CAMK2D: variants seen among roughly 807,000 people sequenced by gnomAD.
CAMK2D encodes the protein calcium/calmodulin dependent protein kinase II delta.
CAMK2D carries 37 observed loss-of-function variants against 84.0 expected under a neutral mutation model. That is an observed-to-expected ratio of 0.44 (90% CI 0.34 to 0.58). The LOEUF (loss-of-function observed/expected upper bound fraction) is 0.58, where lower values mean the gene tolerates loss of function less well. Among genes scored for constraint, CAMK2D ranks in the 20% least tolerant of loss-of-function variants. CAMK2D has a pLI of 0.02. For synonymous variants in CAMK2D, 202 were observed against 212.5 expected, an observed-to-expected ratio of 0.95 and a Z score of 0.43; for missense variants, 448 against 652.5, an observed-to-expected ratio of 0.69 and a Z score of 3.41.
chr4:113,563,986 T>A (rs1245053037), intron 4 of CAMK2D, among the ~76,000 whole-genome samples: 1 of 152,192 alleles, frequency 6.6e-6, no homozygotes, highest in Non-Finnish European at 1.5e-5. Context: ...TAAAAAATCC[T>A]TAGAGAATCT....
chr4:113,644,996 TG>T (rs2099145798), intron 3 of CAMK2D, among the ~76,000 whole-genome samples: 1 of 152,056 alleles, frequency 6.6e-6, no homozygotes, highest in African/African-American at 2.4e-5. Flanking sequence ...GAGAATTTTT[TG>T]TTGTTGTTGT....
intron 16 of CAMK2D, among the ~76,000 whole-genome samples, chr4:113,490,750 G>A (rs1437844558): frequency 1.4e-5 from 2 of 146,718 alleles, no homozygotes; most frequent in East Asian, 1.9e-4. Flanking sequence ...TCATTTTCAC[G>A]ATATTGATTC....
Position 113,751,864 on chromosome 4 carries a change from T to C in CAMK2D, c.160+7456A>G, listed in dbSNP as rs1408621676. Among the ~76,000 whole-genome samples, 15 of 152,296 alleles carry C rather than the reference T, an allele frequency of 9.8e-5. No homozygotes were observed. The South Asian group carries it at 2.3e-3, about 23-fold the overall frequency. Reference sequence around the variant, plus strand: ...AAACAAATTCCAAATAAATTAAGCATTGCCTATATTTAAGAGGGTAAAATT... The same window carrying C: ...AAACAAATTCCAAATAAATTAAGCACTGCCTATATTTAAGAGGGTAAAATT... On this transcript the variant is annotated intron_variant, in intron 2 of 20. Coordinates refer to ENST00000511664, the MANE Select transcript of CAMK2D (RefSeq NM_001321571.2).
At chr4:113,746,706 T>C (rs1291323564) in intron 2 of CAMK2D, among the ~76,000 whole-genome samples, 2 of 152,084 alleles carry the variant, frequency 1.3e-5, no homozygotes, top group Non-Finnish European at 2.9e-5. Flanking sequence ...ATCCTATCTA[T>C]AGGAGGTAAA....
Position 113,759,412 on chromosome 4 carries a change from C to T in CAMK2D, c.68G>A (p.Gly23Glu). ...EYQLFEELGK[G>E]AFSVVRRCMK... ...ACATCTTCTCACCACTGAGAATGCC[C>T]CCCTGGAAACCAATAATTAGCAGGT... Residue 23 changes from glycine to glutamate, a missense_variant and splice_region_variant, in exon 2 of 21, where the codon GGG becomes GAG. Gly to Glu is a moderately conservative substitution (Grantham distance 98, BLOSUM62 -2). Transcript: ENST00000511664. 1 of 1,575,532 alleles carries T rather than the reference C, an allele frequency of 6.3e-7. No individual in the cohort carries two copies. The highest frequency in any genetic ancestry group is 8.7e-7 in the Non-Finnish European group (1 of 1,153,368).
chr4:113,637,556 C>T (rs181503500), intron 3 of CAMK2D, among the ~76,000 whole-genome samples: 1 of 152,252 alleles, frequency 6.6e-6, no homozygotes, highest in Admixed American at 6.5e-5. Flanking sequence ...AAATTCTCAT[C>T]GAGGAAGCTA....
At chr4:113,629,884 C>T (rs1446193243) in intron 3 of CAMK2D, among the ~76,000 whole-genome samples, 1 of 150,712 alleles carries the variant, frequency 6.6e-6, no homozygotes, top group African/African-American at 2.4e-5. Flanking sequence ...GACTTACATA[C>T]AGGAAATGAT....
intron 4 of CAMK2D, among the ~76,000 whole-genome samples, chr4:113,585,894 T>G (rs1055931565): frequency 6.6e-6 from 1 of 152,212 alleles, no homozygotes. Flanking sequence ...GAGCTTTAAT[T>G]GGCATGTATA....
At chr4:113,547,414 T>C (rs1260403222) in intron 6 of CAMK2D, among the ~76,000 whole-genome samples, 2 of 152,212 alleles carry the variant, frequency 1.3e-5, no homozygotes, top group Non-Finnish European at 2.9e-5. Context: ...TCCTATTTAT[T>C]GTTAATGTTG....
intron 3 of CAMK2D, among the ~76,000 whole-genome samples, chr4:113,646,058 T>C (rs1173315723): frequency 6.6e-6 from 1 of 152,210 alleles, no homozygotes; most frequent in Non-Finnish European, 1.5e-5. Flanking sequence ...AATTGTTTGC[T>C]CTCCTGTTTT....
intron 4 of CAMK2D, among the ~76,000 whole-genome samples, chr4:113,582,560 C>T (rs761538360): frequency 7.5e-6 from 1 of 133,252 alleles, no homozygotes; most frequent in African/African-American, 2.7e-5. Context: ...CTTAAAGAAG[C>T]GAGCTGATAA....
chr4:113,457,134 A>G (rs1331393389), intron 19 of CAMK2D: 1 of 1,361,706 alleles, frequency 7.3e-7, no homozygotes. Flanking sequence ...ACTGCTCTAT[A>G]GCAAGTTTCA....
At chr4:113,552,376 T>A (rs1394197239) in intron 4 of CAMK2D, among the ~76,000 whole-genome samples, 1 of 152,196 alleles carries the variant, frequency 6.6e-6, no homozygotes, top group Non-Finnish European at 1.5e-5. Context: ...CATTTCAATT[T>A]TTCAAATATT....
At chr4:113,486,566 T>C (rs1277251884) in intron 16 of CAMK2D, among the ~76,000 whole-genome samples, 8 of 152,232 alleles carry the variant, frequency 5.3e-5, no homozygotes, top group African/African-American at 1.4e-4. Context: ...AATACATTGA[T>C]TGCATTTTTA....
chr4:113,605,848 C>A lies in CAMK2D; in HGVS notation c.275+3304G>T, dbSNP rs77622767. Among the ~76,000 whole-genome samples the A allele has an allele frequency of 5.4e-3, 819 of 152,124 alleles. 29 individuals carry two copies. In the East Asian group the frequency reaches 0.11, roughly 21 times the overall value. ...CTGCTTACTCTGGTATGAGAGAAGGCCTGCTAAAGAACAGTTAGTGAAATC... is the reference window on the plus strand; with the variant it reads ...CTGCTTACTCTGGTATGAGAGAAGGACTGCTAAAGAACAGTTAGTGAAATC... On this transcript the variant is annotated intron_variant, in intron 4 of 20. Transcript: ENST00000511664.
At chr4:113,629,159 C>T (rs2099079330) in intron 3 of CAMK2D, among the ~76,000 whole-genome samples, 1 of 152,024 alleles carries the variant, frequency 6.6e-6, no homozygotes, top group African/African-American at 2.4e-5. Flanking sequence ...AGAAACTGTG[C>T]TAAGTATCAG....
At chr4:113,620,408 G>C (rs1206698533) in intron 3 of CAMK2D, among the ~76,000 whole-genome samples, 1 of 152,142 alleles carries the variant, frequency 6.6e-6, no homozygotes, top group African/African-American at 2.4e-5. Flanking sequence ...CTAATGAAAA[G>C]TGTGAAAAGT....
intron 19 of CAMK2D, chr4:113,457,072 C>T: frequency 1.5e-6 from 1 of 677,606 alleles, no homozygotes. Flanking sequence ...CTAGATTTAA[C>T]CCTGTGAGAT....
intron 2 of CAMK2D, among the ~76,000 whole-genome samples, chr4:113,723,744 C>T (rs149815414): frequency 1.5e-3 from 223 of 152,122 alleles, no homozygotes; most frequent in African/African-American, 5.2e-3. Flanking sequence ...TTTCCAATAA[C>T]TGTTTGACTA....
Sources: gnomAD v4.1 joint callset for allele counts (sites outside exome capture counted in the v4.1 genomes callset) on GRCh38, gnomAD v4.1.1 for gene constraint, MANE v1.5 for transcripts, NCBI Gene and HGNC (gene_info 2026-07-23, HGNC 2026-07-21) for gene names.